The following MRPS27 variants were observed in gnomAD, a reference collection of about 807,000 sequenced individuals.
The protein encoded by MRPS27 is small ribosomal subunit protein mS27.
In MRPS27, 43 loss-of-function variants were observed where a neutral mutation model predicts 48.9. That is an observed-to-expected ratio of 0.88 (90% CI 0.69 to 1.13). The LOEUF is 1.13. MRPS27 is among the 50% of genes most tolerant of loss of function. MRPS27 has a pLI of 0.00. For synonymous variants in MRPS27, 188 were observed against 171.9 expected, an observed-to-expected ratio of 1.09 and a Z score of -0.73; for missense variants, 467 against 476.3, an observed-to-expected ratio of 0.98 and a Z score of 0.18.
At chr5:72,241,499 T>A in intron 4 of MRPS27, 1 of 684,224 alleles carries the variant, frequency 1.5e-6, no homozygotes, top group South Asian at 1.9e-5. Flanking sequence ...GTCAAAACAC[T>A]GGGCCAGCGG....
chr5:72,302,936 A>G (rs1030040473), intron 2 of MRPS27, among the ~76,000 whole-genome samples: 15 of 152,214 alleles, frequency 9.9e-5, no homozygotes, highest in African/African-American at 4.8e-5. Context: ...TGAAGATTAT[A>G]AACTACAAGT....
At chr5:72,247,678 G>A (rs1351311752) in intron 4 of MRPS27, among the ~76,000 whole-genome samples, 1 of 152,150 alleles carries the variant, frequency 6.6e-6, no homozygotes, top group African/African-American at 2.4e-5. Context: ...CACTCCATTA[G>A]TAAAGCATTT....
intron 2 of MRPS27, among the ~76,000 whole-genome samples, chr5:72,313,148 C>T (rs953017545): frequency 1.3e-5 from 2 of 152,116 alleles, no homozygotes; most frequent in African/African-American, 4.8e-5. Flanking sequence ...CATCTCAGAG[C>T]TCACAGCCAA....
intron 4 of MRPS27, among the ~76,000 whole-genome samples, chr5:72,288,311 C>T (rs1490269655): frequency 6.6e-6 from 1 of 152,104 alleles, no homozygotes; most frequent in South Asian, 2.1e-4. Flanking sequence ...GGGTTCATGC[C>T]GTTCTCCCGC....
At chr5:72,239,302 A>G (rs1348154290) in intron 4 of MRPS27, among the ~76,000 whole-genome samples, 1 of 152,164 alleles carries the variant, frequency 6.6e-6, no homozygotes, top group African/African-American at 2.4e-5. Flanking sequence ...CTGCCAAAGT[A>G]ATGGTTAAGA....
At chr5:72,275,849 C>T (rs1012154657) in intron 4 of MRPS27, among the ~76,000 whole-genome samples, 49 of 151,460 alleles carry the variant, frequency 3.2e-4, no homozygotes, top group African/African-American at 1.0e-3. Flanking sequence ...AGGGTGGGCA[C>T]GTAAAGCAAG....
chr5:72,310,806 A>C (rs1456355247), intron 2 of MRPS27, among the ~76,000 whole-genome samples: 1 of 152,248 alleles, frequency 6.6e-6, no homozygotes, highest in African/African-American at 2.4e-5. Flanking sequence ...GGAGAAAAAC[A>C]GTAACTCTGC....
At chr5:72,318,650 C>T (rs1193904603) in intron 1 of MRPS27, among the ~76,000 whole-genome samples, 1 of 152,108 alleles carries the variant, frequency 6.6e-6, no homozygotes, top group South Asian at 2.1e-4. Context: ...CAAAATTAGC[C>T]GGGAGTGGTG....
intron 4 of MRPS27, among the ~76,000 whole-genome samples, chr5:72,253,206 C>A (rs1254294042): frequency 6.6e-6 from 1 of 152,142 alleles, no homozygotes; most frequent in Non-Finnish European, 1.5e-5. Context: ...TGTTTTCTAA[C>A]TTCCAAGCTT....
intron 4 of MRPS27, among the ~76,000 whole-genome samples, chr5:72,252,678 C>T (rs896922832): frequency 2.0e-5 from 3 of 152,128 alleles, no homozygotes; most frequent in Non-Finnish European, 2.9e-5. Flanking sequence ...AGATGGCCTG[C>T]TTTATAGAAA....
intron 4 of MRPS27, among the ~76,000 whole-genome samples, 176 bp from the exon 5 acceptor site, chr5:72,238,304 G>C (rs1182830261): frequency 4.0e-5 from 6 of 151,896 alleles, no homozygotes. Context: ...AGTCTGAAAT[G>C]GTAAAGAGAA....
intron 4 of MRPS27, among the ~76,000 whole-genome samples, chr5:72,271,629 A>C (rs1749244205): frequency 6.6e-6 from 1 of 152,250 alleles, no homozygotes; most frequent in Non-Finnish European, 1.5e-5. Flanking sequence ...GTTCATAAAG[A>C]GGATTAATGA....
chr5:72,225,333 G>A (rs889420079), intron 9 of MRPS27, among the ~76,000 whole-genome samples: 4 of 152,156 alleles, frequency 2.6e-5, no homozygotes, highest in Non-Finnish European at 5.9e-5. Context: ...GTGGCTCTAC[G>A]GTGACCTTTA....
chr5:72,241,733 G>A (rs1580062893), intron 4 of MRPS27: 1 of 1,524,208 alleles, frequency 6.6e-7, no homozygotes, highest in Non-Finnish European at 8.8e-7. Context: ...CTAACACATT[G>A]ATTTTCCAAT....
chr5:72,266,435 T>C (rs1580082732), intron 4 of MRPS27, among the ~76,000 whole-genome samples: 1 of 152,300 alleles, frequency 6.6e-6, no homozygotes, highest in East Asian at 1.9e-4. Context: ...GGAATCTAAG[T>C]GAAGGCTGCC....
At chr5:72,264,565 G>T (rs889196764) in intron 4 of MRPS27, among the ~76,000 whole-genome samples, 1 of 152,152 alleles carries the variant, frequency 6.6e-6, no homozygotes, top group Non-Finnish European at 1.5e-5. Flanking sequence ...CTTTGGAGGG[G>T]GTGTAGGGGG....
At chr5:72,296,183 G>T (rs1749975581) in intron 3 of MRPS27, among the ~76,000 whole-genome samples, 1 of 151,640 alleles carries the variant, frequency 6.6e-6, no homozygotes, top group South Asian at 2.1e-4. Context: ...CAAATAAAAA[G>T]GATTATTCCA....
rs1750345194 is a variant in MRPS27 at position 72,308,524 on chromosome 5, A to C, written c.151+5557T>G. 2.0e-5 allele frequency among the ~76,000 whole-genome samples: 3 copies of C among 152,074 alleles called. No homozygotes were observed. The South Asian group carries it at 6.2e-4, about 31-fold the overall frequency. On this transcript the variant is annotated intron_variant, in intron 2 of 10. Transcript: ENST00000261413. ...CGGCCCTGCGCGCGCACGCTACCCG[A>C]CAGCCCCGCGCCCACTCGCCGCGTT...
intron 4 of MRPS27, among the ~76,000 whole-genome samples, chr5:72,268,656 G>C (rs1580084485): frequency 6.6e-6 from 1 of 152,270 alleles, no homozygotes; most frequent in East Asian, 1.9e-4. Context: ...TTCATTAACT[G>C]TTTGATTTTG....
Sources: allele counts gnomAD v4.1 joint callset (sites outside exome capture counted in the v4.1 genomes callset), GRCh38; gene constraint gnomAD v4.1.1; transcripts MANE v1.5; gene names NCBI Gene and HGNC (gene_info 2026-07-23, HGNC 2026-07-21).